The following ARHGAP15 variants were observed in gnomAD, a reference collection of about 807,000 sequenced individuals.
ARHGAP15 encodes rho GTPase-activating protein 15.
A neutral mutation model predicts 63.7 loss-of-function variants in ARHGAP15; 51 were observed. That is an observed-to-expected ratio of 0.80 (90% confidence interval 0.64 to 1.01). The LOEUF is 1.01. Ranked by LOEUF, ARHGAP15 falls within the 50% of genes least tolerant of loss-of-function variation. The pLI is 0.00. For synonymous variants in ARHGAP15, 191 were observed against 193.8 expected, an observed-to-expected ratio of 0.99 and a Z score of 0.12; for missense variants, 560 against 564.6, an observed-to-expected ratio of 0.99 and a Z score of 0.08.
intron 2 of ARHGAP15, among the ~76,000 whole-genome samples, chr2:143,191,785 C>CA (rs1224131636): frequency 6.6e-6 from 1 of 152,130 alleles, no homozygotes; most frequent in Non-Finnish European, 1.5e-5. Flanking sequence ...AATATTTTTT[C>CA]AACTATACCG....
At chr2:143,618,444 C>T (rs1355838116) in intron 11 of ARHGAP15, among the ~76,000 whole-genome samples, 1 of 152,184 alleles carries the variant, frequency 6.6e-6, no homozygotes, top group East Asian at 1.9e-4. Context: ...GCAGGGACAT[C>T]ATCCTTTATG....
At chr2:143,157,768 T>C (rs189006885) in intron 2 of ARHGAP15, among the ~76,000 whole-genome samples, 2 of 151,950 alleles carry the variant, frequency 1.3e-5, no homozygotes, top group Non-Finnish European at 2.9e-5. Flanking sequence ...GAATGTAAAG[T>C]ATTTTGGCAT....
At chr2:143,613,926 G>C (rs1312831119) in intron 11 of ARHGAP15, among the ~76,000 whole-genome samples, 1 of 152,118 alleles carries the variant, frequency 6.6e-6, no homozygotes, top group Non-Finnish European at 1.5e-5. Flanking sequence ...TGGTCATCCA[G>C]ACTCTTTCAG....
chr2:143,703,498 G>A lies in ARHGAP15; in HGVS notation c.1218G>A (p.Met406Ile). ...QKLPPPNRDT[M>I]KVLFGHLTKI... is the part of the protein sequence containing the mutation. ...TCCCTCCGCCAAATCGTGACACCATGAAAGTCCTCTTTGGACATCTAACTA... is the reference window on the plus strand; with the variant it reads ...TCCCTCCGCCAAATCGTGACACCATAAAAGTCCTCTTTGGACATCTAACTA... Residue 406 changes from methionine to isoleucine, a missense_variant, in exon 13 of 14, where the codon ATG becomes ATA. Physicochemically the swap from Met to Ile is conservative, Grantham distance 10. Coordinates refer to ENST00000295095, the MANE Select transcript of ARHGAP15 (RefSeq NM_018460.4). 2 of 1,612,144 alleles carry A rather than the reference G, an allele frequency of 1.2e-6. No individual in the cohort carries two copies. The highest frequency in any genetic ancestry group is 2.2e-5 in the South Asian group (2 of 90,762).
intron 10 of ARHGAP15, among the ~76,000 whole-genome samples, chr2:143,524,244 C>T (rs1488809029): frequency 6.6e-6 from 1 of 152,056 alleles, no homozygotes. Context: ...TTGACAGGAT[C>T]CAGTTATAGG....
intron 6 of ARHGAP15, among the ~76,000 whole-genome samples, chr2:143,370,421 C>T (rs1320127015): frequency 1.3e-5 from 2 of 151,972 alleles, no homozygotes; most frequent in South Asian, 2.1e-4. Flanking sequence ...GTGGGTGCAG[C>T]GCACCAGCAT....
chr2:143,363,188 T>G (rs1178753655), intron 6 of ARHGAP15, among the ~76,000 whole-genome samples: 1 of 152,214 alleles, frequency 6.6e-6, no homozygotes, highest in African/African-American at 2.4e-5. Context: ...CATTCATTTT[T>G]TTGGAACATG....
At chr2:143,314,841 A>G (rs530983819) in intron 6 of ARHGAP15, among the ~76,000 whole-genome samples, 2 of 148,656 alleles carry the variant, frequency 1.3e-5, no homozygotes, top group Non-Finnish European at 2.9e-5. Context: ...ATGACATCAC[A>G]ACGCAATTTC....
chr2:143,501,088 A>C (rs898189513), intron 9 of ARHGAP15, among the ~76,000 whole-genome samples: 3 of 152,222 alleles, frequency 2.0e-5, no homozygotes, highest in Non-Finnish European at 2.9e-5. Flanking sequence ...CAGTAAAGGA[A>C]TCTTTCACAT....
At position 143,250,619 on chromosome 2, in the gene ARHGAP15, T is replaced by C. The variant is rs1471554217; in HGVS notation, c.474+19T>C. 4 of 1,586,632 alleles carry C rather than the reference T, an allele frequency of 2.5e-6. No homozygotes were observed. Among genetic ancestry groups the C allele is most frequent in the East Asian group, 2.3e-5 (1 of 44,364 alleles). ...CTTTCAGGTAAGAATGTTACATATA[T>C]TCAATTTATTCCTATTCTCTCTAAA... On this transcript the variant is annotated intron_variant, in intron 6 of 13. Transcript: ENST00000295095.
chr2:143,156,128 T>C (rs1690068699), intron 2 of ARHGAP15, among the ~76,000 whole-genome samples: 1 of 151,664 alleles, frequency 6.6e-6, no homozygotes. Context: ...TGATTTGGAG[T>C]GGGCTTAAAG....
At chr2:143,467,195 GA>G (rs1691260475) in intron 8 of ARHGAP15, among the ~76,000 whole-genome samples, 1 of 139,794 alleles carries the variant, frequency 7.2e-6, no homozygotes. Context: ...AGGAGAAAAT[GA>G]AAACTTGAAA....
intron 8 of ARHGAP15, among the ~76,000 whole-genome samples, chr2:143,483,515 G>A (rs1692174281): frequency 6.6e-6 from 1 of 152,156 alleles, no homozygotes; most frequent in Admixed American, 6.5e-5. Context: ...ATTATTCTGT[G>A]TCATTCCAAA....
intron 8 of ARHGAP15, among the ~76,000 whole-genome samples, chr2:143,479,773 C>G (rs1296517953): frequency 6.6e-6 from 1 of 151,718 alleles, no homozygotes; most frequent in Admixed American, 6.6e-5. Context: ...AAAAAAATGT[C>G]ATTGTGTTTC....
chr2:143,663,590 T>G (rs1182375178), intron 12 of ARHGAP15, among the ~76,000 whole-genome samples: 1 of 151,934 alleles, frequency 6.6e-6, no homozygotes, highest in African/African-American at 2.4e-5. Flanking sequence ...GTAAATGGAC[T>G]AAATTTTCCA....
intron 13 of ARHGAP15, among the ~76,000 whole-genome samples, chr2:143,756,057 C>T (rs1686565694): frequency 6.6e-6 from 1 of 152,078 alleles, no homozygotes; most frequent in African/African-American, 2.4e-5. Flanking sequence ...AACTGATTCT[C>T]CTTTGACTAT....
chr2:143,220,223 T>C (rs903404207), intron 4 of ARHGAP15, among the ~76,000 whole-genome samples: 7 of 152,210 alleles, frequency 4.6e-5, no homozygotes, highest in Admixed American at 1.3e-4. Context: ...TTTTCTTTTA[T>C]ATTTTTGTCT....
intron 5 of ARHGAP15, among the ~76,000 whole-genome samples, chr2:143,229,283 G>T (rs993366271): frequency 2.0e-5 from 3 of 152,130 alleles, no homozygotes; most frequent in African/African-American, 7.2e-5. Flanking sequence ...TCGTCTAACT[G>T]TGACGTTCAC....
intron 6 of ARHGAP15, among the ~76,000 whole-genome samples, chr2:143,280,859 C>T (rs1313520506): frequency 6.6e-6 from 1 of 152,006 alleles, no homozygotes; most frequent in African/African-American, 2.4e-5. Flanking sequence ...TGATGAATAA[C>T]AGACAATTTA....
Sources: allele counts gnomAD v4.1 joint callset (sites outside exome capture counted in the v4.1 genomes callset), GRCh38; gene constraint gnomAD v4.1.1; transcripts MANE v1.5; gene names NCBI Gene and HGNC (gene_info 2026-07-23, HGNC 2026-07-21).